Variants in UNC13C observed in about 807,000 individuals in gnomAD.
UNC13C encodes protein unc-13 homolog C.
UNC13C carries 174 observed loss-of-function variants against 245.4 expected under a neutral mutation model. The ratio of observed to expected loss-of-function variants is 0.71; its 90% CI spans 0.63 to 0.80. The LOEUF (loss-of-function observed/expected upper bound fraction) is 0.80. UNC13C is among the 30% of genes least tolerant of loss of function. UNC13C has a pLI of 0.00. For synonymous variants in UNC13C, 992 were observed against 895.1 expected, an observed-to-expected ratio of 1.11 and a Z score of -1.93; for missense variants, 2,829 against 2,602.9, an observed-to-expected ratio of 1.09 and a Z score of -1.89.
chr15:54,606,667 T>G (rs775467726), intron 30 of UNC13C, among the ~76,000 whole-genome samples: 2 of 152,192 alleles, frequency 1.3e-5, no homozygotes, highest in Non-Finnish European at 2.9e-5. Flanking sequence ...AACTATTTCA[T>G]TTTTCCAATG....
intron 17 of UNC13C, among the ~76,000 whole-genome samples, chr15:54,377,151 G>A (rs138024116): frequency 7.2e-5 from 11 of 152,230 alleles, no homozygotes; most frequent in African/African-American, 9.6e-5. Flanking sequence ...ACCAACCACC[G>A]CCCCACAGGG....
At chr15:54,174,321 T>C (rs1345163550) in intron 4 of UNC13C, among the ~76,000 whole-genome samples, 1 of 152,200 alleles carries the variant, frequency 6.6e-6, no homozygotes, top group Non-Finnish European at 1.5e-5. Context: ...AAAAATAGTT[T>C]TCTTTTATAC....
intron 19 of UNC13C, among the ~76,000 whole-genome samples, chr15:54,449,632 C>G (rs770054991): frequency 6.6e-6 from 1 of 152,158 alleles, no homozygotes; most frequent in Non-Finnish European, 1.5e-5. Context: ...CCATCAGGTC[C>G]TTTAAGGACT....
intron 18 of UNC13C, among the ~76,000 whole-genome samples, chr15:54,409,520 A>G (rs891760543): frequency 6.6e-6 from 1 of 151,208 alleles, no homozygotes; most frequent in African/African-American, 2.4e-5. Flanking sequence ...TTAGATCCGT[A>G]CTCTCCTCCC....
At chr15:54,471,157 A>C (rs1000512817) in intron 19 of UNC13C, among the ~76,000 whole-genome samples, 1 of 151,608 alleles carries the variant, frequency 6.6e-6, no homozygotes, top group Non-Finnish European at 1.5e-5. Context: ...TTCTGTATGC[A>C]CTTGGAAAGA....
chr15:54,203,561 CTG>C (rs2034595164), intron 4 of UNC13C, among the ~76,000 whole-genome samples: 1 of 145,390 alleles, frequency 6.9e-6, no homozygotes, highest in African/African-American at 2.5e-5. Context: ...TATTTTATGA[CTG>C]AGTAGTATTT....
intron 2 of UNC13C, among the ~76,000 whole-genome samples, chr15:54,079,404 G>C (rs975142612): frequency 2.0e-5 from 3 of 151,916 alleles, no homozygotes; most frequent in African/African-American, 7.2e-5. Context: ...TTTATGGACA[G>C]TATAGTCATT....
At chr15:53,969,357 A>G in the UNC13C span, among the ~76,000 whole-genome samples, 3 of 152,132 alleles carry the variant, frequency 2.0e-5, no homozygotes, top group African/African-American at 7.2e-5. Flanking sequence ...AATTTGATAA[A>G]TTATTTTTGA....
rs143291310 is a variant in UNC13C at position 54,540,937 on chromosome 15, A to G, written c.5697-5785A>G. Among the ~76,000 whole-genome samples the G allele has an allele frequency of 1.3e-3, 202 of 152,144 alleles. 3 individuals are homozygous for G. In the South Asian group the frequency reaches 0.026, roughly 20 times the overall value. ...AATTGGCAGAGTTGTTGTGTCTCCA[A>G]TCATACCAGGAATTTTTCTGTGGAT... is the stretch of plus-strand genomic sequence containing the variant. On this transcript the variant is annotated intron_variant, in intron 26 of 32. Transcript: ENST00000260323.
intron 4 of UNC13C, among the ~76,000 whole-genome samples, chr15:54,222,541 C>T (rs2035256937): frequency 6.6e-6 from 1 of 152,110 alleles, no homozygotes; most frequent in South Asian, 2.1e-4. Context: ...GTGAACAGTG[C>T]TGCAATAAAC....
the UNC13C span, among the ~76,000 whole-genome samples, chr15:53,919,745 C>T: frequency 6.6e-6 from 1 of 152,086 alleles, no homozygotes; most frequent in Non-Finnish European, 1.5e-5. Context: ...AAAGGCATGA[C>T]CCAATTGTTC....
intron 10 of UNC13C, among the ~76,000 whole-genome samples, chr15:54,278,541 C>G (rs899047330): frequency 1.3e-5 from 2 of 152,134 alleles, no homozygotes; most frequent in African/African-American, 4.8e-5. Flanking sequence ...CCAGGGCTTC[C>G]TCAACTTTGT....
chr15:54,492,943 A>C (rs1013781138), intron 19 of UNC13C, among the ~76,000 whole-genome samples: 1 of 152,174 alleles, frequency 6.6e-6, no homozygotes, highest in Non-Finnish European at 1.5e-5. Context: ...AGGTGGTGTT[A>C]CTCACAAGAG....
chr15:54,253,128 C>T (rs990349282), intron 8 of UNC13C, among the ~76,000 whole-genome samples: 2 of 152,188 alleles, frequency 1.3e-5, no homozygotes, highest in Admixed American at 6.5e-5. Flanking sequence ...AAATTCTCTA[C>T]ATGTGGTCTG....
intron 13 of UNC13C, chr15:54,321,625 C>T: frequency 2.8e-6 from 1 of 361,974 alleles, no homozygotes; most frequent in Non-Finnish European, 5.1e-6. Context: ...TGATGCAGAG[C>T]TTCTGCAGCT....
chr15:54,016,860 TA>T (rs1895682822), intron 2 of UNC13C, among the ~76,000 whole-genome samples: 1 of 152,176 alleles, frequency 6.6e-6, no homozygotes, highest in African/African-American at 2.4e-5. Flanking sequence ...TTGTCATCAT[TA>T]ATTAAGCTAT....
At position 54,511,733 on chromosome 15, in the gene UNC13C, C is replaced by CT. The variant is rs761400775; in HGVS notation, c.5380-13dup. On this transcript the variant is annotated intron_variant, in intron 23 of 32. Coordinates refer to ENST00000260323, the MANE Select transcript of UNC13C (RefSeq NM_001080534.3). ...ATATAAAAAGATTGCTCATAATAGT[C>CT]TTTTTTTCTATATTTAAAGCCCTGT... 1.4e-5 allele frequency: 22 copies of CT among 1,554,592 alleles called. No homozygotes were observed. In the African/African-American group the frequency reaches 2.2e-4, roughly 16 times the overall value.
At chr15:54,206,567 T>C (rs1424898933) in intron 4 of UNC13C, among the ~76,000 whole-genome samples, 2 of 152,130 alleles carry the variant, frequency 1.3e-5, no homozygotes, top group Non-Finnish European at 2.9e-5. Context: ...ATCACCTTGC[T>C]TCTGCTTCCT....
At position 54,251,805 on chromosome 15, in the gene UNC13C, G is replaced by T. The variant is rs189460374; in HGVS notation, c.3448+1361G>T. ...GAAGGGAGAAGAGGAAAATGTCAAA[G>T]ATTAAATTAGAAATGCTGTCACAGC... On this transcript the variant is annotated intron_variant, in intron 8 of 32. Transcript: ENST00000260323. Among the ~76,000 whole-genome samples, 3 of 152,254 alleles carry T rather than the reference G, an allele frequency of 2.0e-5. No individual in the cohort carries two copies. The East Asian group carries it at 5.8e-4, about 29-fold the overall frequency.
Sources: allele counts gnomAD v4.1 joint callset (sites outside exome capture counted in the v4.1 genomes callset), GRCh38; gene constraint gnomAD v4.1.1; transcripts MANE v1.5; gene names NCBI Gene and HGNC (gene_info 2026-07-23, HGNC 2026-07-21).